ARB2A: variants seen among roughly 807,000 people sequenced by gnomAD.
ARB2A encodes cotranscriptional regulator ARB2A.
the ARB2A span, among the ~76,000 whole-genome samples, chr5:93,761,886 T>C: frequency 1.3e-5 from 2 of 152,190 alleles, no homozygotes; most frequent in Non-Finnish European, 1.5e-5. Flanking sequence ...GGCAGCAACA[T>C]TTGCTGTTCA....
At chr5:94,107,618 GATT>G in the ARB2A span, among the ~76,000 whole-genome samples, 1 of 151,096 alleles carries the variant, frequency 6.6e-6, no homozygotes, top group Non-Finnish European at 1.5e-5. Flanking sequence ...CTTCTTAACA[GATT>G]ATATTTTAAA....
chr5:93,933,890 C>T, the ARB2A span, among the ~76,000 whole-genome samples: 1 of 152,066 alleles, frequency 6.6e-6, no homozygotes, highest in Admixed American at 6.5e-5. Context: ...CCTGTAGTCC[C>T]AGCTCCTCAG....
chr5:93,829,690 G>A, the ARB2A span, among the ~76,000 whole-genome samples: 3,796 of 152,142 alleles, frequency 0.025, 77 homozygotes, highest in Middle Eastern at 0.068. Flanking sequence ...TACTTCCAAA[G>A]TCATTTCTTA....
the ARB2A span, among the ~76,000 whole-genome samples, chr5:93,839,148 C>A: frequency 6.6e-6 from 1 of 152,154 alleles, no homozygotes; most frequent in Non-Finnish European, 1.5e-5. Context: ...CCAGCTTTTG[C>A]CCATTCAGTA....
the ARB2A span, among the ~76,000 whole-genome samples, chr5:94,001,635 G>A: frequency 6.6e-6 from 1 of 151,996 alleles, no homozygotes; most frequent in Non-Finnish European, 1.5e-5. Flanking sequence ...TTTTTACACA[G>A]TGCTTTTGAT....
the ARB2A span, chr5:93,739,025 C>T: frequency 6.6e-6 from 1 of 152,124 alleles, no homozygotes; most frequent in African/African-American, 2.4e-5. Context: ...CTTAGTCACA[C>T]CTGACTTGTG....
the ARB2A span, among the ~76,000 whole-genome samples, chr5:94,054,115 G>C: frequency 1.3e-5 from 2 of 152,142 alleles, no homozygotes; most frequent in Non-Finnish European, 2.9e-5. Context: ...AAGACAGTAC[G>C]AAGAGTGTGT....
the ARB2A span, among the ~76,000 whole-genome samples, chr5:93,775,091 T>C: frequency 6.6e-6 from 1 of 152,196 alleles, no homozygotes. Context: ...CATCTTCTAG[T>C]GGTTCTGTCT....
At chr5:93,741,436 C>T in the ARB2A span, 250 of 1,613,462 alleles carry the variant, frequency 1.5e-4, 1 homozygote, top group East Asian at 5.2e-3. Flanking sequence ...GACCATCACC[C>T]TGCCAGGGGC....
chr5:93,899,829 G>C, the ARB2A span, among the ~76,000 whole-genome samples: 2 of 152,076 alleles, frequency 1.3e-5, no homozygotes, highest in African/African-American at 4.8e-5. Context: ...TTCTTTACTT[G>C]TACTTTTTGG....
At chr5:94,049,120 T>C in the ARB2A span, among the ~76,000 whole-genome samples, 13 of 152,324 alleles carry the variant, frequency 8.5e-5, no homozygotes, top group East Asian at 2.3e-3. Flanking sequence ...CTAAAACTTA[T>C]GTGTCCACAT....
chr5:94,059,812 T>C, the ARB2A span, among the ~76,000 whole-genome samples: 5 of 148,810 alleles, frequency 3.4e-5, no homozygotes, highest in Non-Finnish European at 7.4e-5. Context: ...ATAGAAGAAA[T>C]AAAGATTTTT....
the ARB2A span, among the ~76,000 whole-genome samples, chr5:94,093,578 T>G: frequency 6.6e-6 from 1 of 152,196 alleles, no homozygotes; most frequent in African/African-American, 2.4e-5. Context: ...CACTGTAGGT[T>G]ATGGCTTCAA....
chr5:94,063,217 A>T, the ARB2A span, among the ~76,000 whole-genome samples: 133,533 of 151,786 alleles, frequency 0.88, 59,797 homozygotes, highest in East Asian at 1. Flanking sequence ...AGCCTGAGCA[A>T]GCCATCCAGG....
At chr5:93,618,797 A>G in the ARB2A span, 1 of 152,230 alleles carries the variant, frequency 6.6e-6, no homozygotes, top group Admixed American at 6.5e-5. Flanking sequence ...GTAGTTTTAA[A>G]GTATTAGAGG....
the ARB2A span, chr5:93,776,184 T>A: frequency 6.2e-7 from 1 of 1,610,158 alleles, no homozygotes; most frequent in Non-Finnish European, 8.5e-7. Flanking sequence ...GGCAATCAGG[T>A]AGCATGGACT....
At chr5:93,772,154 T>A in the ARB2A span, among the ~76,000 whole-genome samples, 8 of 152,146 alleles carry the variant, frequency 5.3e-5, 1 homozygote, top group African/African-American at 1.9e-4. Context: ...ATGTCCTTTG[T>A]AGGGACATGG....
At chr5:93,940,234 A>G in the ARB2A span, among the ~76,000 whole-genome samples, 3 of 152,214 alleles carry the variant, frequency 2.0e-5, no homozygotes, top group South Asian at 6.2e-4. Context: ...TTAAAATATG[A>G]AAGTACATTA....
the ARB2A span, among the ~76,000 whole-genome samples, chr5:93,621,378 A>G: frequency 6.6e-6 from 1 of 152,050 alleles, no homozygotes; most frequent in African/African-American, 2.4e-5. Flanking sequence ...CCTGGCTCAG[A>G]GGAACTCAGA....
Sources: allele counts gnomAD v4.1 joint callset (sites outside exome capture counted in the v4.1 genomes callset), GRCh38; gene constraint gnomAD v4.1.1; transcripts MANE v1.5; gene names NCBI Gene and HGNC (gene_info 2026-07-23, HGNC 2026-07-21).